Variants in DYM observed in about 807,000 individuals in gnomAD.
DYM encodes the protein dyggve-Melchior-Clausen syndrome protein.
Under a neutral mutation model 93.1 loss-of-function variants are expected in DYM, and 78 were observed. That is an observed-to-expected ratio of 0.84 (90% confidence interval 0.70 to 1.01). DYM has a LOEUF of 1.01. Among genes scored for constraint, DYM ranks in the 50% least tolerant of loss-of-function variants. DYM has a pLI of 0.00. For synonymous variants in DYM, 321 were observed against 319.7 expected, an observed-to-expected ratio of 1.00 and a Z score of -0.04; for missense variants, 789 against 845.0, an observed-to-expected ratio of 0.93 and a Z score of 0.82.
chr18:49,263,374 C>T (rs941363779), intron 11 of DYM, among the ~76,000 whole-genome samples: 85 of 151,536 alleles, frequency 5.6e-4, no homozygotes, highest in Non-Finnish European at 9.4e-4. Flanking sequence ...CCACCTCAGC[C>T]TCCCAAAGTG....
At chr18:49,399,942 T>TC (rs1381346266) in intron 2 of DYM, among the ~76,000 whole-genome samples, 7 of 125,062 alleles carry the variant, frequency 5.6e-5, no homozygotes, top group Non-Finnish European at 1.2e-4. Flanking sequence ...TTCTTTTTTT[T>TC]TTTTTTTTTT....
At chr18:49,291,468 A>C (rs1180498720) in intron 8 of DYM, among the ~76,000 whole-genome samples, 1 of 152,174 alleles carries the variant, frequency 6.6e-6, no homozygotes, top group Non-Finnish European at 1.5e-5. Flanking sequence ...ACTAACTTTT[A>C]AGGAGCTGTT....
At chr18:49,086,019 T>TA (rs1475947443) in intron 17 of DYM, among the ~76,000 whole-genome samples, 2 of 152,202 alleles carry the variant, frequency 1.3e-5, no homozygotes, top group African/African-American at 4.8e-5. Flanking sequence ...GATTTCAAGG[T>TA]AAAATCACAC....
chr18:49,333,875 G>C (rs1344860763), intron 6 of DYM, 22 bp from the exon 7 acceptor site: 1 of 1,596,856 alleles, frequency 6.3e-7, no homozygotes, highest in African/African-American at 1.3e-5. Flanking sequence ...GAAAAACAGA[G>C]TAACAGTCAC....
intron 15 of DYM, among the ~76,000 whole-genome samples, chr18:49,135,416 A>G (rs1406223610): frequency 1.3e-5 from 2 of 152,166 alleles, no homozygotes; most frequent in Non-Finnish European, 2.9e-5. Flanking sequence ...TCTACTATTT[A>G]CTGCTTATAT....
intron 2 of DYM, among the ~76,000 whole-genome samples, chr18:49,391,912 T>C (rs2069303527): frequency 1.3e-5 from 2 of 152,160 alleles, no homozygotes; most frequent in South Asian, 2.1e-4. Context: ...CAGGGAGACT[T>C]AGAAAAATTC....
intron 17 of DYM, among the ~76,000 whole-genome samples, chr18:49,067,614 T>C (rs1052793680): frequency 6.6e-6 from 1 of 152,094 alleles, no homozygotes; most frequent in Non-Finnish European, 1.5e-5. Context: ...GTGCATGCCA[T>C]GTTCAGAGAA....
At chr18:49,336,685 T>C (rs1032281626) in intron 6 of DYM, among the ~76,000 whole-genome samples, 8 of 152,238 alleles carry the variant, frequency 5.3e-5, no homozygotes, top group African/African-American at 1.7e-4. Context: ...ACAGGCATTA[T>C]GCTACATATT....
rs1260873305 is a variant in DYM at position 49,441,262 on chromosome 18, T to TTATATTA, written c.-53-10816_-53-10815insTAATATA. Among the ~76,000 whole-genome samples, 8 of 34,186 alleles carry TTATATTA rather than the reference T, an allele frequency of 2.3e-4. 1 individual carries two copies. Among genetic ancestry groups the TTATATTA allele is most frequent in the Admixed American group, 6.2e-4 (1 of 1,626 alleles). 22.4% of individuals were successfully genotyped at this position (34,186 alleles called of 152,430 possible). ...ATATACATAATATTGTTATATATAA[T>TTATATTA]TATATAATATATATTATATAATTAT... On this transcript the variant is annotated intron_variant, in intron 1 of 17. Transcript: ENST00000675505.
intron 17 of DYM, among the ~76,000 whole-genome samples, chr18:49,074,040 T>C (rs2077109679): frequency 6.6e-6 from 1 of 152,190 alleles, no homozygotes; most frequent in Admixed American, 6.5e-5. Flanking sequence ...GTGATTCTGA[T>C]CAGTCATATG....
At chr18:49,211,886 A>C (rs1332008854) in intron 13 of DYM, among the ~76,000 whole-genome samples, 1 of 152,236 alleles carries the variant, frequency 6.6e-6, no homozygotes, top group East Asian at 1.9e-4. Flanking sequence ...AGTCTTGGAA[A>C]GGATTCTAGG....
At chr18:49,089,410 T>A (rs1168584526) in intron 17 of DYM, among the ~76,000 whole-genome samples, 1 of 152,236 alleles carries the variant, frequency 6.6e-6, no homozygotes, top group Non-Finnish European at 1.5e-5. Flanking sequence ...TTGGGTTACA[T>A]GTAAAATATT....
chr18:49,158,472 C>G (rs112365203), intron 15 of DYM, among the ~76,000 whole-genome samples: 1,533 of 152,238 alleles, frequency 0.01, 41 homozygotes, highest in South Asian at 0.075. Context: ...TTAAGAGTAA[C>G]AAATTTCAGC....
intron 8 of DYM, among the ~76,000 whole-genome samples, chr18:49,298,867 A>G (rs1387343795): frequency 6.6e-6 from 1 of 152,238 alleles, no homozygotes; most frequent in Non-Finnish European, 1.5e-5. Flanking sequence ...AACTTAGATG[A>G]CGCAGGTAGT....
intron 17 of DYM, among the ~76,000 whole-genome samples, chr18:49,075,802 T>C (rs1599552200): frequency 6.6e-6 from 1 of 152,248 alleles, no homozygotes. Context: ...CTCTGTTTTG[T>C]AGTGAAACGA....
intron 8 of DYM, among the ~76,000 whole-genome samples, chr18:49,295,170 T>C (rs555731624): frequency 1.3e-5 from 2 of 152,310 alleles, no homozygotes; most frequent in African/African-American, 4.8e-5. Flanking sequence ...CACCCATGCT[T>C]TTCCTACATA....
chr18:49,407,607 G>T (rs543026610), intron 2 of DYM, among the ~76,000 whole-genome samples: 3 of 152,294 alleles, frequency 2.0e-5, no homozygotes, highest in South Asian at 2.1e-4. Flanking sequence ...AACAAACTGA[G>T]CAAGAATTCA....
intron 10 of DYM, among the ~76,000 whole-genome samples, chr18:49,276,964 T>C (rs577911340): frequency 1.3e-5 from 2 of 152,094 alleles, no homozygotes; most frequent in South Asian, 2.1e-4. Context: ...ATTCCAAAGA[T>C]AATAAGGAGA....
At chr18:49,222,035 A>C (rs2093382413) in intron 13 of DYM, among the ~76,000 whole-genome samples, 1 of 152,054 alleles carries the variant, frequency 6.6e-6, no homozygotes, top group Non-Finnish European at 1.5e-5. Context: ...TATTTTGAAT[A>C]ACTTTAAAAT....
Sources: gnomAD v4.1 joint callset for allele counts (sites outside exome capture counted in the v4.1 genomes callset) on GRCh38, gnomAD v4.1.1 for gene constraint, MANE v1.5 for transcripts, NCBI Gene and HGNC (gene_info 2026-07-23, HGNC 2026-07-21) for gene names.